The following TOP2A variants were observed in gnomAD, a reference collection of about 807,000 sequenced individuals.
TOP2A encodes DNA topoisomerase 2-alpha.
In TOP2A, 68 loss-of-function variants were observed where a neutral mutation model predicts 187.2. The ratio of observed to expected loss-of-function variants is 0.36; its 90% CI spans 0.30 to 0.44. The LOEUF is 0.44. TOP2A is among the 20% of genes least tolerant of loss of function. The pLI is 1.00. For synonymous variants in TOP2A, 542 were observed against 593.2 expected (o/e 0.91, Z 1.25); for missense variants, 1,196 against 1,808.7 (o/e 0.66, Z 6.14).
rs757484427 is a variant in TOP2A at position 40,400,992 on chromosome 17, T to A, written c.2522A>T (p.Tyr841Phe). 1 of 1,614,000 alleles carries A rather than the reference T, an allele frequency of 6.2e-7. No individual in the cohort carries two copies. Among genetic ancestry groups the A allele is most frequent in the Non-Finnish European group, 8.5e-7 (1 of 1,179,890 alleles). Reference protein sequence around the residue: ...DDNQRVEPEWYIPIIPMVLIN... With the variant: ...DDNQRVEPEWFIPIIPMVLIN... ...CAGCACCATGGGAATAATAGGAATGTACCATTCAGGCTCAACACGCTGGTT... is the reference window on the plus strand; with the variant it reads ...CAGCACCATGGGAATAATAGGAATGAACCATTCAGGCTCAACACGCTGGTT... Residue 841 changes from tyrosine to phenylalanine, a missense_variant, in exon 21 of 35, where the codon TAC becomes TTC. By Grantham distance (22) the Tyr-to-Phe change is conservative. Coordinates refer to ENST00000423485, the MANE Select transcript of TOP2A (RefSeq NM_001067.4).
rs1162840186 is a variant in TOP2A at position 40,392,675 on chromosome 17, T to A, written c.3874A>T (p.Asn1292Tyr). ...FKPIKKGKKRNPWSDSESDRS... is the reference protein window; with the variant it reads ...FKPIKKGKKRYPWSDSESDRS... ...TCTGATTCTGAATCAGACCAGGGAT[T>A]TCTCTTCTTTCCTTTTTTGATTGGC... The change falls in exon 30 of 35, where the codon AAT (asparagine) becomes TAT (tyrosine). Residue 1292 changes from asparagine (N) to tyrosine (Y), a missense_variant. Physicochemically the swap from Asn to Tyr is moderately radical, Grantham distance 143. Transcript: ENST00000423485. 1.9e-6 allele frequency: 3 copies of A among 1,613,424 alleles called. No individual in the cohort carries two copies. Among genetic ancestry groups the A allele is most frequent in the Admixed American group, 1.7e-5 (1 of 60,008 alleles).
chr17:40,403,158 T>G (rs1259047781), intron 19 of TOP2A, 104 bp from the exon 20 acceptor site: 5 of 1,120,272 alleles, frequency 4.5e-6, no homozygotes, highest in Non-Finnish European at 6.2e-6. Flanking sequence ...GTCTAGTTGT[T>G]TAGTGACTTT....
Position 40,404,298 on chromosome 17 carries a change from G to A in TOP2A, c.2162-25C>T, listed in dbSNP as rs749260156. 1.1e-5 allele frequency: 18 copies of A among 1,610,328 alleles called. No individual in the cohort carries two copies. In the South Asian group the frequency reaches 1.4e-4, roughly 13 times the overall value. ...CCTTTAAAATGAAATAAGAGCAAACGTAAGTATCCTCAATTTAACCAATTT... is the reference window on the plus strand; with the variant it reads ...CCTTTAAAATGAAATAAGAGCAAACATAAGTATCCTCAATTTAACCAATTT... On this transcript the variant is annotated intron_variant, in intron 18 of 34. Transcript: ENST00000423485.
rs746498940 is a variant in TOP2A, at chr17:40,390,142, G to A, written c.4290C>T (p.Thr1430=). ...AAKSQSSTST[T]GAKKRAAPKG... ...TTGGGGCAGCCCTTTTTTTGGCACC[G>A]GTAGTGGAGGTGGAAGACTGACCTG... is the stretch of plus-strand genomic sequence containing the variant. Residue 1430 remains threonine, a synonymous_variant, in exon 34 of 35, where the codon ACC becomes ACT. Coordinates refer to ENST00000423485, the MANE Select transcript of TOP2A (RefSeq NM_001067.4). 2.9e-5 allele frequency: 46 copies of A among 1,612,292 alleles called. No individual in the cohort carries two copies. The highest frequency in any genetic ancestry group is 2.0e-4 in the East Asian group (9 of 44,870).
chr17:40,415,728 T>C (rs1462775107), intron 4 of TOP2A, among the ~76,000 whole-genome samples: 1 of 152,160 alleles, frequency 6.6e-6, no homozygotes, highest in Non-Finnish European at 1.5e-5. Flanking sequence ...GGAGGATTGC[T>C]TCAGGCCAGG....
In TOP2A at chr17:40,392,308, T is replaced by C; in HGVS notation, c.3998A>G (p.Asp1333Gly). 1.2e-6 allele frequency: 2 copies of C among 1,601,464 alleles called. No homozygotes were observed. Among genetic ancestry groups the C allele is most frequent in the Non-Finnish European group, 1.7e-6 (2 of 1,173,236 alleles). Residue 1333 changes from aspartate (D) to glycine (G), a missense_variant, in exon 31 of 35, where the codon GAT becomes GGT. Asp to Gly is a moderately conservative substitution (Grantham distance 94, BLOSUM62 -1). This residue lies in a region of TOP2A where 374 missense variants were observed against 403.3 expected (regional missense o/e 0.93). Transcript: ENST00000423485. ...TTCATCAAAATCTGAGAAATCTTCATCTGAATCCAAATCCATTGTGAATTT... is the reference window on the plus strand; with the variant it reads ...TTCATCAAAATCTGAGAAATCTTCACCTGAATCCAAATCCATTGTGAATTT... ...KTKFTMDLDS[D>G]EDFSDFDEKT... is the part of the protein sequence containing the mutation.
intron 20 of TOP2A, among the ~76,000 whole-genome samples, chr17:40,401,405 G>C (rs893685835): frequency 6.6e-6 from 1 of 152,086 alleles, no homozygotes; most frequent in Non-Finnish European, 1.5e-5. Flanking sequence ...GAAAACATTT[G>C]AGCAGAGAAA....
At chr17:40,417,663 C>T (rs1019310338) in intron 1 of TOP2A, 108 bp downstream of exon 1, 9 of 1,569,658 alleles carry the variant, frequency 5.7e-6, no homozygotes, top group Middle Eastern at 2.1e-4. Flanking sequence ...GGCTCCCAAG[C>T]CGGTCGCCGG....
At chr17:40,394,117 G>C (rs1181986725) in intron 29 of TOP2A, among the ~76,000 whole-genome samples, 2 of 151,796 alleles carry the variant, frequency 1.3e-5, no homozygotes, top group Non-Finnish European at 2.9e-5. Context: ...CTGCCACATG[G>C]GTTACCCTTG....
chr17:40,391,926 G>T, intron 32 of TOP2A, 142 bp downstream of exon 32: 1 of 936,140 alleles, frequency 1.1e-6, no homozygotes, highest in Non-Finnish European at 1.6e-6. Context: ...TAAACCCAGT[G>T]AACAGTATCA....
intron 34 of TOP2A, 115 bp downstream of exon 34, chr17:40,389,850 T>C: frequency 3.1e-6 from 4 of 1,275,394 alleles, no homozygotes; most frequent in Non-Finnish European, 4.3e-6. Context: ...CAGTAAAAGC[T>C]AACAGAATAT....
chr17:40,403,896 T>C lies in TOP2A; in HGVS notation c.2283+256A>G, dbSNP rs116497400. 2.2e-3 allele frequency among the ~76,000 whole-genome samples: 339 copies of C among 152,358 alleles called. 1 individual carries two copies. The highest frequency in any genetic ancestry group is 7.8e-3 in the African/African-American group (325 of 41,586). ...AACAATTTTCAAATCAGTGGAGGTC[T>C]AAATTTTGACATCACAAAGTTATAA... On this transcript the variant is annotated intron_variant, in intron 19 of 34. Transcript: ENST00000423485.
intron 4 of TOP2A, among the ~76,000 whole-genome samples, chr17:40,414,208 C>T (rs1314712219): frequency 6.6e-6 from 1 of 152,174 alleles, no homozygotes; most frequent in Non-Finnish European, 1.5e-5. Context: ...CACTCCCACT[C>T]CTTTTTTGAG....
In TOP2A at chr17:40,389,578, C is replaced by A. The variant is rs746962457; in HGVS notation, c.4537G>T (p.Val1513Leu). The A allele has an allele frequency of 1.2e-6, 2 of 1,604,858 alleles. No individual in the cohort carries two copies. Among genetic ancestry groups the A allele is most frequent in the African/African-American group, 1.3e-5 (1 of 74,778 alleles). Reference sequence around the variant, plus strand: ...TACTTTATAGGTTTCTTTGCCCGTACAGATTTTGCCCGAGGAGCCACAGCT... The same window carrying A: ...TACTTTATAGGTTTCTTTGCCCGTAAAGATTTTGCCCGAGGAGCCACAGCT... Reference protein sequence around the residue: ...DSAVAPRAKSVRAKKPIKYLE... With the variant: ...DSAVAPRAKSLRAKKPIKYLE... The change falls in exon 35 of 35, where the codon GTA becomes TTA. Residue 1513 changes from valine to leucine, a missense_variant. By Grantham distance (32) the Val-to-Leu change is conservative (BLOSUM62 1). Around this residue, in one of 10 missense-constraint regions of TOP2A, gnomAD observed 374 missense variants for 403.3 expected, o/e 0.93. Coordinates refer to ENST00000423485, the MANE Select transcript of TOP2A (RefSeq NM_001067.4).
intron 29 of TOP2A, among the ~76,000 whole-genome samples, chr17:40,393,106 G>A (rs2035047013): frequency 1.3e-5 from 2 of 152,106 alleles, no homozygotes; most frequent in South Asian, 4.1e-4. Flanking sequence ...CGGATCGCTT[G>A]AGCTCAGGAG....
chr17:40,410,061 C>A, intron 10 of TOP2A: 1 of 161,946 alleles, frequency 6.2e-6, no homozygotes, highest in South Asian at 1.6e-4. Context: ...GCATTCCAGC[C>A]TGGGCGACAG....
At chr17:40,392,510 G>A in intron 30 of TOP2A, 75 bp downstream of exon 30, 1 of 1,509,478 alleles carries the variant, frequency 6.6e-7, no homozygotes, top group East Asian at 2.3e-5. Context: ...AGTAATTTCT[G>A]GGGCAAAGTA....
intron 12 of TOP2A, 47 bp downstream of exon 12, chr17:40,407,920 T>C: frequency 6.5e-7 from 1 of 1,538,718 alleles, no homozygotes; most frequent in Non-Finnish European, 8.8e-7. Flanking sequence ...CATAAAGTCT[T>C]GTATTATAAA....
In TOP2A at chr17:40,411,895, C is replaced by A; in HGVS notation, c.790-77G>T. 8.3e-7 allele frequency: 1 copy of A among 1,205,502 alleles called. No homozygotes were observed. The highest frequency in any genetic ancestry group is 1.1e-6 in the Non-Finnish European group (1 of 876,136). The allele number at this position is 1,205,502 out of a possible 1,614,324, so 74.7% of individuals were successfully genotyped here. ...TCAATGATAGACTATGAGGACTTTCCAAAACCAATGCAATGATGTTCACTG... is the reference window on the plus strand; with the variant it reads ...TCAATGATAGACTATGAGGACTTTCAAAAACCAATGCAATGATGTTCACTG... On this transcript the variant is annotated intron_variant, in intron 7 of 34. Transcript: ENST00000423485. The surrounding 1 kb of genome is among the most constrained non-coding windows in gnomAD (Gnocchi z 4.4).
Sources: allele counts gnomAD v4.1 joint callset (sites outside exome capture counted in the v4.1 genomes callset), GRCh38; gene constraint gnomAD v4.1.1; regional missense constraint gnomAD v4.1.1; non-coding constraint Gnocchi (gnomAD v3.1); transcripts MANE v1.5; gene names NCBI Gene and HGNC (gene_info 2026-07-23, HGNC 2026-07-21).